Variants in SYNDIG1 observed in about 807,000 individuals in gnomAD.
SYNDIG1 encodes the protein synapse differentiation inducing 1.
In SYNDIG1, 9 loss-of-function variants were observed where a neutral mutation model predicts 19.4. The observed-to-expected ratio is 0.46, with a 90% CI of 0.28 to 0.81. The LOEUF (loss-of-function observed/expected upper bound fraction) is 0.81. Among genes scored for constraint, SYNDIG1 ranks in the 30% least tolerant of loss-of-function variants. The pLI is 0.12. For missense variants in SYNDIG1, 311 were observed against 343.3 expected, an observed-to-expected ratio of 0.91 and a Z score of 0.74; for synonymous variants, 141 against 145.9, an observed-to-expected ratio of 0.97 and a Z score of 0.24.
chr20:24,616,122 G>A (rs927409533), intron 3 of SYNDIG1, among the ~76,000 whole-genome samples: 1 of 152,096 alleles, frequency 6.6e-6, no homozygotes, highest in African/African-American at 2.4e-5. Flanking sequence ...CCAAATGTTA[G>A]TTATTATTTA....
At chr20:24,659,602 A>C (rs549945872) in intron 3 of SYNDIG1, among the ~76,000 whole-genome samples, 185 of 152,340 alleles carry the variant, frequency 1.2e-3, no homozygotes, top group African/African-American at 4.2e-3. Flanking sequence ...CGGAAGATGA[A>C]TAGTGTTAAA....
At chr20:24,588,287 A>T (rs1009975286) in intron 3 of SYNDIG1, among the ~76,000 whole-genome samples, 3 of 152,220 alleles carry the variant, frequency 2.0e-5, no homozygotes, top group African/African-American at 7.2e-5. Flanking sequence ...AGGCCAAGGA[A>T]CACCTGGAAA....
intron 3 of SYNDIG1, among the ~76,000 whole-genome samples, chr20:24,654,897 A>G (rs1256460637): frequency 6.6e-6 from 1 of 152,192 alleles, no homozygotes; most frequent in African/African-American, 2.4e-5. Flanking sequence ...CCAAGGAAAA[A>G]AATCATTTCC....
intron 2 of SYNDIG1, among the ~76,000 whole-genome samples, chr20:24,564,271 C>T (rs1311812588): frequency 2.0e-4 from 31 of 152,180 alleles, no homozygotes; most frequent in Admixed American, 2.0e-3. Flanking sequence ...CTTTGTATTA[C>T]AATACAGTTC....
At chr20:24,495,263 C>T (rs2056268824) in intron 1 of SYNDIG1, among the ~76,000 whole-genome samples, 1 of 152,180 alleles carries the variant, frequency 6.6e-6, no homozygotes, top group African/African-American at 2.4e-5. Context: ...CCCTCCAGGC[C>T]CTCAGCTCAC....
intron 3 of SYNDIG1, among the ~76,000 whole-genome samples, chr20:24,643,437 G>C (rs530191758): frequency 2.0e-5 from 3 of 152,188 alleles, no homozygotes; most frequent in Admixed American, 6.5e-5. Flanking sequence ...TTATCAGCTA[G>C]AGTGCCGTGT....
intron 3 of SYNDIG1, among the ~76,000 whole-genome samples, chr20:24,628,113 CT>C (rs2059183719): frequency 6.6e-6 from 1 of 152,192 alleles, no homozygotes; most frequent in Admixed American, 6.5e-5. Flanking sequence ...GTACGGCTCG[CT>C]CTCCGGGGCA....
At chr20:24,480,527 A>G (rs2055767393) in intron 1 of SYNDIG1, among the ~76,000 whole-genome samples, 1 of 152,212 alleles carries the variant, frequency 6.6e-6, no homozygotes, top group Non-Finnish European at 1.5e-5. Context: ...TACTTGGGGA[A>G]CTGTGAGAGG....
intron 1 of SYNDIG1, among the ~76,000 whole-genome samples, chr20:24,542,200 T>C (rs1162036569): frequency 6.6e-6 from 1 of 152,202 alleles, no homozygotes; most frequent in Non-Finnish European, 1.5e-5. Flanking sequence ...AAAGTTGTTC[T>C]TTTAAAAAAA....
chr20:24,601,125 A>T (rs1475870449), intron 3 of SYNDIG1, among the ~76,000 whole-genome samples: 1 of 152,216 alleles, frequency 6.6e-6, no homozygotes, highest in Admixed American at 6.5e-5. Flanking sequence ...TTAATCTACT[A>T]ATATAAATTA....
chr20:24,587,275 G>A (rs998163711), intron 3 of SYNDIG1, among the ~76,000 whole-genome samples: 32 of 152,208 alleles, frequency 2.1e-4, no homozygotes, highest in African/African-American at 7.2e-4. Context: ...GTATTTCCCT[G>A]TGGTAAAACT....
chr20:24,582,395 T>A (rs565546838), intron 2 of SYNDIG1, among the ~76,000 whole-genome samples: 5 of 67,634 alleles, frequency 7.4e-5, no homozygotes, highest in African/African-American at 2.5e-4. Context: ...TGTCCTCCCT[T>A]CTGCATGTCC....
intron 3 of SYNDIG1, among the ~76,000 whole-genome samples, chr20:24,655,848 G>A (rs2059519898): frequency 6.6e-6 from 1 of 151,496 alleles, no homozygotes; most frequent in South Asian, 2.1e-4. Flanking sequence ...AAACTATTCA[G>A]ATGCTTTTCC....
chr20:24,542,172 T>A (rs2057481428), intron 1 of SYNDIG1, among the ~76,000 whole-genome samples: 1 of 111,540 alleles, frequency 9.0e-6, no homozygotes, highest in South Asian at 3.1e-4. Flanking sequence ...TTGAAAAAAT[T>A]CACTTCAATA....
intron 3 of SYNDIG1, among the ~76,000 whole-genome samples, chr20:24,640,774 A>G (rs559507565): frequency 5.0e-4 from 76 of 152,312 alleles, no homozygotes; most frequent in African/African-American, 1.8e-3. Context: ...TGCAGGTAGC[A>G]TGGGATGGAT....
intron 1 of SYNDIG1, among the ~76,000 whole-genome samples, chr20:24,470,893 C>T (rs992460080): frequency 1.3e-5 from 2 of 151,910 alleles, no homozygotes; most frequent in East Asian, 1.9e-4. Flanking sequence ...GGACCGATGC[C>T]TGCGCCTTCC....
chr20:24,641,894 T>C (rs2059380647), intron 3 of SYNDIG1, among the ~76,000 whole-genome samples: 1 of 152,242 alleles, frequency 6.6e-6, no homozygotes, highest in South Asian at 2.1e-4. Flanking sequence ...AGAGTTCCCA[T>C]GTATCCCTTA....
intron 1 of SYNDIG1, among the ~76,000 whole-genome samples, chr20:24,483,681 C>T (rs2055864035): frequency 6.6e-6 from 1 of 152,234 alleles, no homozygotes; most frequent in Non-Finnish European, 1.5e-5. Context: ...CTAAGCCCCA[C>T]AGCAGTGGAT....
chr20:24,627,636 G>A (rs1331285754), intron 3 of SYNDIG1, among the ~76,000 whole-genome samples: 2 of 152,250 alleles, frequency 1.3e-5, no homozygotes, highest in African/African-American at 2.4e-5. Flanking sequence ...CCCGGTTCCC[G>A]GGACTGGAAC....
Sources: allele counts gnomAD v4.1 joint callset (sites outside exome capture counted in the v4.1 genomes callset), GRCh38; gene constraint gnomAD v4.1.1; transcripts MANE v1.5; gene names NCBI Gene and HGNC (gene_info 2026-07-23, HGNC 2026-07-21).